CDH1: variants seen among roughly 807,000 people sequenced by gnomAD.
CDH1 encodes the protein cadherin 1.
CDH1 carries 35 observed loss-of-function variants against 84.5 expected under a neutral mutation model. The observed-to-expected ratio is 0.41, with a 90% CI of 0.32 to 0.55. CDH1 has a LOEUF of 0.55. Ranked by LOEUF, CDH1 falls within the 20% of genes least tolerant of loss-of-function variation. The pLI is 0.19. For missense variants in CDH1, 994 were observed against 1,126.6 expected (o/e 0.88, Z 1.68); for synonymous variants, 417 against 439.0 (o/e 0.95, Z 0.63).
rs905635830 is a variant in CDH1, at chr16:68,834,529, T to C, written c.*1030T>C. Reference sequence around the variant, plus strand: ...GCTGTGCCCAGCCTCCATGTTTTAATATCAACTCTCACTCCTGAATTCAGT... The same window carrying C: ...GCTGTGCCCAGCCTCCATGTTTTAACATCAACTCTCACTCCTGAATTCAGT... On this transcript the variant is annotated 3_prime_UTR_variant, in exon 16 of 16. Coordinates refer to ENST00000261769, the MANE Select transcript of CDH1 (RefSeq NM_004360.5). 3 of 273,112 alleles carry C rather than the reference T, an allele frequency of 1.1e-5. No individual in the cohort carries two copies. The East Asian group carries it at 1.8e-4, about 16-fold the overall frequency. 16.9% of individuals were successfully genotyped at this position (273,112 alleles called of 1,614,324 possible). A position where few individuals can be genotyped will look rare whatever the true frequency, so the allele number is the denominator to read the frequency against.
chr16:68,782,972 C>T (rs1248162232), intron 2 of CDH1, among the ~76,000 whole-genome samples: 1 of 152,118 alleles, frequency 6.6e-6, no homozygotes, highest in Non-Finnish European at 1.5e-5. Context: ...TATATAGTCT[C>T]CCATATCCTA....
intron 12 of CDH1, 134 bp downstream of exon 12, chr16:68,822,359 TTCTG>T: frequency 1.4e-6 from 1 of 727,732 alleles, no homozygotes; most frequent in Non-Finnish European, 2.5e-6. Context: ...TCCTTGTCCC[TTCTG>T]TCTTTGAGGC....
chr16:68,739,347 G>A (rs1738652142), intron 2 of CDH1, among the ~76,000 whole-genome samples: 3 of 152,046 alleles, frequency 2.0e-5, no homozygotes, highest in African/African-American at 7.2e-5. Flanking sequence ...AACCCAGGAG[G>A]CAGAGGTTGC....
chr16:68,759,400 C>T (rs1963101698), intron 2 of CDH1, among the ~76,000 whole-genome samples: 1 of 152,076 alleles, frequency 6.6e-6, no homozygotes, highest in South Asian at 2.1e-4. Flanking sequence ...TGATTGAGTA[C>T]TCAACTGTTC....
At chr16:68,804,282 T>G (rs1273896565) in intron 3 of CDH1, among the ~76,000 whole-genome samples, 1 of 151,878 alleles carries the variant, frequency 6.6e-6, no homozygotes, top group African/African-American at 2.4e-5. Flanking sequence ...CCTGGCTTAT[T>G]TTTTGTATTT....
intron 2 of CDH1, among the ~76,000 whole-genome samples, chr16:68,795,465 T>C (rs1960333572): frequency 6.6e-6 from 1 of 152,196 alleles, no homozygotes; most frequent in African/African-American, 2.4e-5. Flanking sequence ...TGAGCCACCA[T>C]GCCTGGCTAG....
At chr16:68,765,685 G>T (rs1959355596) in intron 2 of CDH1, 1 of 98,320 alleles carries the variant, frequency 1.0e-5, no homozygotes, top group African/African-American at 3.4e-5. Flanking sequence ...CAGGTGACCT[G>T]TCTCCTTTTT....
At chr16:68,775,388 T>C (rs890263395) in intron 2 of CDH1, among the ~76,000 whole-genome samples, 3 of 152,154 alleles carry the variant, frequency 2.0e-5, no homozygotes, top group Non-Finnish European at 2.9e-5. Flanking sequence ...ATGCCAAGAA[T>C]GTCTTGTGTT....
At chr16:68,801,455 C>T (rs1055932732) in intron 2 of CDH1, among the ~76,000 whole-genome samples, 2 of 152,042 alleles carry the variant, frequency 1.3e-5, no homozygotes, top group Non-Finnish European at 2.9e-5. Context: ...TTTCAATTGA[C>T]AAGAAGATGA....
rs543842252 is a variant in CDH1, at chr16:68,832,256, C to T, written c.2440-1034C>T. Among the ~76,000 whole-genome samples, 5 of 152,058 alleles carry T rather than the reference C, an allele frequency of 3.3e-5. No individual in the cohort carries two copies. The South Asian group carries it at 6.2e-4, about 19-fold the overall frequency. On this transcript the variant is annotated intron_variant, in intron 15 of 15. Coordinates refer to ENST00000261769, the MANE Select transcript of CDH1 (RefSeq NM_004360.5). ...AGTTTACGATTTGTTACCTATATAA[C>T]AAACCTTCACATGTACTCCCAAACC... is the stretch of plus-strand genomic sequence containing the variant.
At chr16:68,797,058 G>A (rs1960381952) in intron 2 of CDH1, among the ~76,000 whole-genome samples, 1 of 151,982 alleles carries the variant, frequency 6.6e-6, no homozygotes, top group South Asian at 2.1e-4. Flanking sequence ...TTAAAATAGA[G>A]CATGGCACAT....
rs553796388 is a variant in CDH1 at position 68,800,189 on chromosome 16, TA to T, written c.164-1468del. 2.5e-3 allele frequency among the ~76,000 whole-genome samples: 345 copies of T among 140,772 alleles called. 2 individuals carry two copies. Among genetic ancestry groups the T allele is most frequent in the African/African-American group, 7.8e-3 (299 of 38,442 alleles). 92.4% of individuals were successfully genotyped at this position (140,772 alleles called of 152,430 possible). ...ATCCCATCTCTATGAAAATATTATT[TA>T]AAAAAAAAAAAACCAAGGCCTTAAT... On this transcript the variant is annotated intron_variant, in intron 2 of 15. Transcript: ENST00000261769.
At chr16:68,823,992 C>CTTTTTTTTTTTTTTTTTTTTTTTT (rs889358029) in intron 13 of CDH1, among the ~76,000 whole-genome samples, 1 of 99,930 alleles carries the variant, frequency 1.0e-5, no homozygotes, top group Non-Finnish European at 1.9e-5. Context: ...TTCTGCATTT[C>CTTTTTTTTTTTTTTTTTTTTTTTT]TTTTTTTTTT....
intron 2 of CDH1, among the ~76,000 whole-genome samples, chr16:68,790,511 G>A (rs1210706424): frequency 6.6e-6 from 1 of 152,110 alleles, no homozygotes; most frequent in Admixed American, 6.6e-5. Context: ...AGCCACAGCT[G>A]GGACAAGAAA....
intron 2 of CDH1, among the ~76,000 whole-genome samples, chr16:68,766,267 A>G (rs1959381410): frequency 2.0e-5 from 3 of 152,174 alleles, no homozygotes; most frequent in Admixed American, 1.3e-4. Context: ...TACAAAACAA[A>G]ACAAAAAAAT....
At chr16:68,813,595 G>C in intron 9 of CDH1, 100 bp downstream of exon 9, 1 of 1,216,872 alleles carries the variant, frequency 8.2e-7, no homozygotes, top group South Asian at 1.2e-5. Context: ...GCTTTGGCAG[G>C]GGGACAGGGT....
intron 3 of CDH1, among the ~76,000 whole-genome samples, chr16:68,802,425 A>G (rs1002927197): frequency 6.6e-6 from 1 of 152,120 alleles, no homozygotes; most frequent in African/African-American, 2.4e-5. Flanking sequence ...AGCTGTCTTT[A>G]CCACTCCCCT....
intron 2 of CDH1, among the ~76,000 whole-genome samples, chr16:68,745,547 A>ATATATATATATATGT (rs1491171815): frequency 0.03 from 654 of 21,904 alleles, 8 homozygotes; most frequent in Non-Finnish European, 0.08. Flanking sequence ...AAAAAAAAAA[A>ATATATATATATATGT]AAATATATAT....
At chr16:68,810,368 A>G in intron 6 of CDH1, 27 bp downstream of exon 6, 1 of 1,606,710 alleles carries the variant, frequency 6.2e-7, no homozygotes, top group Non-Finnish European at 8.5e-7. Flanking sequence ...GAATCTGAAT[A>G]CTCAGAAAGA....
Sources: allele counts gnomAD v4.1 joint callset (sites outside exome capture counted in the v4.1 genomes callset), GRCh38; gene constraint gnomAD v4.1.1; transcripts MANE v1.5; gene names NCBI Gene and HGNC (gene_info 2026-07-23, HGNC 2026-07-21).